POLQ: variants seen among roughly 807,000 people sequenced by gnomAD.
POLQ encodes epididymis secretory sperm binding protein.
In POLQ, 233 loss-of-function variants were observed where a neutral mutation model predicts 259.2. The observed-to-expected ratio is 0.90, with a 90% CI of 0.81 to 1.00. POLQ has a LOEUF of 1.00. Ranked by LOEUF, POLQ falls within the 50% of genes least tolerant of loss-of-function variation. The probability of loss-of-function intolerance (pLI) is 0.00; values close to 1 mark genes in which losing one functional copy is unlikely to be tolerated. For missense variants in POLQ, 2,871 were observed against 3,051.6 expected, an observed-to-expected ratio of 0.94 and a Z score of 1.39; for synonymous variants, 1,025 against 1,048.8, an observed-to-expected ratio of 0.98 and a Z score of 0.44.
intron 24 of POLQ, among the ~76,000 whole-genome samples, chr3:121,465,125 C>T (rs1409401849): frequency 5.0e-5 from 7 of 139,072 alleles, no homozygotes; most frequent in South Asian, 4.5e-4. Context: ...CTTGCTTTTT[C>T]GCCTAGGCTG....
At chr3:121,517,558 C>T (rs560321100) in intron 9 of POLQ, among the ~76,000 whole-genome samples, 1 of 152,216 alleles carries the variant, frequency 6.6e-6, no homozygotes, top group South Asian at 2.1e-4. Context: ...ATTTCCCAGC[C>T]TCTCTTATAG....
rs867066988 is a variant in POLQ at position 121,488,896 on chromosome 3, C to T, written c.4035G>A (p.Lys1345=). The part of the protein sequence containing the change: ...MATENAKLGA[K]DTNLAAGIMQ... ...TTATCCCTGCTGCCAGGTTGGTGTC[C>T]TTTGCTCCTAGTTTGGCATTTTCAG... The change falls in exon 16 of 30, where the codon AAG becomes AAA. Residue 1345 remains lysine (K), a synonymous_variant. Transcript: ENST00000264233. 1 of 1,614,114 alleles carries T rather than the reference C, an allele frequency of 6.2e-7. No homozygotes were observed. The highest frequency in any genetic ancestry group is 8.5e-7 in the Non-Finnish European group (1 of 1,179,990).
intron 26 of POLQ, 117 bp from the exon 27 acceptor site, chr3:121,440,233 C>A: frequency 1.5e-6 from 1 of 682,898 alleles, no homozygotes. Flanking sequence ...ACATTAATAT[C>A]ATATCGTCAA....
chr3:121,503,506 A>G (rs2048188148), intron 12 of POLQ, among the ~76,000 whole-genome samples: 1 of 152,248 alleles, frequency 6.6e-6, no homozygotes, highest in African/African-American at 2.4e-5. Context: ...AACAATGAAT[A>G]GAACTACTAA....
chr3:121,514,868 T>C (rs1343656709), intron 9 of POLQ, among the ~76,000 whole-genome samples: 1 of 152,192 alleles, frequency 6.6e-6, no homozygotes, highest in Non-Finnish European at 1.5e-5. Flanking sequence ...AATCTTTAGA[T>C]GGCCAGCCTC....
intron 24 of POLQ, among the ~76,000 whole-genome samples, chr3:121,462,840 C>G (rs148711045): frequency 1.3e-5 from 2 of 152,248 alleles, no homozygotes; most frequent in Non-Finnish European, 2.9e-5. Flanking sequence ...GTTAGCAAAG[C>G]TTTAAAAGCC....
rs150175127 is a variant in POLQ at position 121,511,951 on chromosome 3, C to T, written c.1547G>A (p.Arg516His). Residue 516 changes from arginine (R) to histidine (H), a missense_variant, in exon 10 of 30, where the codon CGC (arginine) becomes CAC (histidine). Physicochemically the swap from Arg to His is conservative, Grantham distance 29 (BLOSUM62 0). Transcript: ENST00000264233. ...TCCTTCTCGTCTTTGCAGACAGCTG[C>T]GAACAGGCTTTAGAGAACCCTGAAG... ...ALLQGSLKPV[R>H]SCLQRREGEE... 3.5e-5 allele frequency: 56 copies of T among 1,613,594 alleles called. No individual in the cohort carries two copies. The African/African-American group carries it at 4.7e-4, about 13-fold the overall frequency.
At position 121,498,643 on chromosome 3, in the gene POLQ, T is replaced by C. The variant is rs770911140; in HGVS notation, c.1987A>G (p.Thr663Ala). The change falls in exon 13 of 30, where the codon ACT becomes GCT. Residue 663 changes from threonine (T) to alanine (A), a missense_variant. Thr to Ala is a moderately conservative substitution (Grantham distance 58, BLOSUM62 0). Around this residue, in one of 3 missense-constraint regions of POLQ, gnomAD observed 783 missense variants for 906.2 expected, o/e 0.86. Transcript: ENST00000264233. ...LVTPMFEDWT[T>A]IDWYRFFCLW... ...CAGAAAAATCGATACCAATCAATAG[T>C]AGTCCAATCCTCAAACATAGGTGTA... 3.1e-6 allele frequency: 5 copies of C among 1,612,760 alleles called. No individual in the cohort carries two copies. Among genetic ancestry groups the C allele is most frequent in the African/African-American group, 2.7e-5 (2 of 75,006 alleles).
Position 121,512,436 on chromosome 3 carries a change from A to G in POLQ, c.1469-407T>C, listed in dbSNP as rs192997974. On this transcript the variant is annotated intron_variant, in intron 9 of 29. Transcript: ENST00000264233. ...TCTGCACAAACAAACTCTACCTACT[A>G]AAATAACTTCTATCTTCCATTAGTT... 1.6e-3 allele frequency among the ~76,000 whole-genome samples: 250 copies of G among 152,312 alleles called. 1 individual carries two copies. Among genetic ancestry groups the G allele is most frequent in the African/African-American group, 5.8e-3 (240 of 41,578 alleles).
intron 8 of POLQ, 23 bp downstream of exon 8, chr3:121,521,980 A>G (rs761038422): frequency 1.3e-6 from 2 of 1,517,076 alleles, no homozygotes; most frequent in South Asian, 1.3e-5. Flanking sequence ...AGGTTTCTTA[A>G]TAACATTATA....
Position 121,541,377 on chromosome 3 carries a change from A to T in POLQ, c.446T>A (p.Val149Glu). 1.9e-6 allele frequency: 3 copies of T among 1,607,284 alleles called. No individual in the cohort carries two copies. Among genetic ancestry groups the T allele is most frequent in the Non-Finnish European group, 2.5e-6 (3 of 1,177,242 alleles). ...GAGGTAGTATTTCTTCTCTTTAGCCACAGAAACAAAGGGAAGAATAAACAA... is the reference window on the plus strand; with the variant it reads ...GAGGTAGTATTTCTTCTCTTTAGCCTCAGAAACAAAGGGAAGAATAAACAA... ...KALFILPFVS[V>E]AKEKKYYLQS... The change falls in exon 3 of 30, where the codon GTG becomes GAG. Residue 149 changes from valine (V) to glutamate (E), a missense_variant. Val to Glu is a moderately radical substitution (Grantham distance 121). Transcript: ENST00000264233.
At chr3:121,457,283 A>G (rs2047749435) in intron 25 of POLQ, among the ~76,000 whole-genome samples, 1 of 152,232 alleles carries the variant, frequency 6.6e-6, no homozygotes, top group Non-Finnish European at 1.5e-5. Flanking sequence ...TAAAAACCCT[A>G]GAAGAAAACC....
intron 19 of POLQ, among the ~76,000 whole-genome samples, chr3:121,480,170 GA>G (rs200674785): frequency 0.013 from 1,940 of 150,338 alleles, 28 homozygotes; most frequent in African/African-American, 0.031. Flanking sequence ...AAAAGATTTG[GA>G]AAAAAAATAT....
chr3:121,452,345 C>T (rs2047685326), intron 25 of POLQ, among the ~76,000 whole-genome samples: 1 of 152,192 alleles, frequency 6.6e-6, no homozygotes, highest in Non-Finnish European at 1.5e-5. Context: ...ATGCAGAAAT[C>T]ACCTGTCTTC....
chr3:121,483,633 A>T (rs1576412474), intron 17 of POLQ, 51 bp from the exon 18 acceptor site: 1 of 1,347,132 alleles, frequency 7.4e-7, no homozygotes, highest in African/African-American at 1.5e-5. Flanking sequence ...CAAAAATTAC[A>T]TGCATTCATT....
rs1182452821 is a variant in POLQ, at chr3:121,467,549, T to A, written c.6937A>T (p.Ser2313Cys). The change falls in exon 24 of 30, where the codon AGC becomes TGC. Residue 2313 changes from serine to cysteine, a missense_variant. Coordinates refer to ENST00000264233, the MANE Select transcript of POLQ (RefSeq NM_199420.4). ...AADRGMPFSI[S>C]MRHAFVPFPG... Reference sequence around the variant, plus strand: ...AAAGGCACAAAGGCATGTCGCATGCTAATTGAAAATGGCATTCCTCTGTCT... The same window carrying A: ...AAAGGCACAAAGGCATGTCGCATGCAAATTGAAAATGGCATTCCTCTGTCT... 4 of 1,613,872 alleles carry A rather than the reference T, an allele frequency of 2.5e-6. No individual in the cohort carries two copies. The highest frequency in any genetic ancestry group is 4.5e-5 in the East Asian group (2 of 44,900).
intron 19 of POLQ, 58 bp downstream of exon 19, chr3:121,481,514 G>T: frequency 6.9e-7 from 1 of 1,448,976 alleles, no homozygotes; most frequent in Non-Finnish European, 9.3e-7. Context: ...TTGATAAAGA[G>T]TGGCTAAATC....
chr3:121,431,612 A>G lies in POLQ; in HGVS notation c.*692T>C, dbSNP rs2108770328. 1 of 152,754 alleles carries G rather than the reference A, an allele frequency of 6.5e-6. No individual in the cohort carries two copies. The highest frequency in any genetic ancestry group is 1.5e-5 in the Non-Finnish European group (1 of 68,030). 9.5% of individuals were successfully genotyped at this position (152,754 alleles called of 1,614,324 possible). A position where few individuals can be genotyped will look rare whatever the true frequency, so the allele number is the denominator to read the frequency against. ...GCAGTATTATATTGACCTGCAATAA[A>G]AACATCTGATCTTACAGAACAGGAT... On this transcript the variant is annotated 3_prime_UTR_variant, in exon 30 of 30. Coordinates refer to ENST00000264233, the MANE Select transcript of POLQ (RefSeq NM_199420.4).
At chr3:121,474,734 C>A (rs573273916) in intron 20 of POLQ, among the ~76,000 whole-genome samples, 1 of 151,964 alleles carries the variant, frequency 6.6e-6, no homozygotes, top group South Asian at 2.1e-4. Context: ...ACTATTTAGC[C>A]CAAGAACTAT....
Sources: allele counts gnomAD v4.1 joint callset (sites outside exome capture counted in the v4.1 genomes callset), GRCh38; gene constraint gnomAD v4.1.1; regional missense constraint gnomAD v4.1.1; transcripts MANE v1.5; gene names NCBI Gene and HGNC (gene_info 2026-07-23, HGNC 2026-07-21).